The following LY96 variants were observed in gnomAD, a reference collection of about 807,000 sequenced individuals.
LY96 encodes the protein myeloid differentiation protein-2.
LY96 carries 18 observed loss-of-function variants against 18.9 expected under a neutral mutation model. That is an observed-to-expected ratio of 0.95 (90% CI 0.66 to 1.41). LY96 has a LOEUF of 1.41. Among genes scored for constraint, LY96 ranks in the 40% most tolerant of loss-of-function variants. LY96 has a pLI of 0.00. For missense variants in LY96, 175 were observed against 182.4 expected (o/e 0.96, Z 0.23); for synonymous variants, 66 against 62.6 (o/e 1.06, Z -0.26).
At chr8:74,037,367 G>T in the LY96 span, among the ~76,000 whole-genome samples, 1 of 152,292 alleles carries the variant, frequency 6.6e-6, no homozygotes, top group African/African-American at 2.4e-5. Flanking sequence ...GGTGGGTCAT[G>T]CCTGTAAACC....
At chr8:74,004,109 C>T (rs11786591) in intron 1 of LY96, among the ~76,000 whole-genome samples, 46,737 of 151,976 alleles carry the variant, frequency 0.31, 7,303 homozygotes, top group Admixed American at 0.36. Context: ...TATAAGTTTT[C>T]TGGGGATCCC....
chr8:74,074,680 T>C, the LY96 span, among the ~76,000 whole-genome samples: 1 of 152,200 alleles, frequency 6.6e-6, no homozygotes, highest in Non-Finnish European at 1.5e-5. Context: ...TTTTGGTATG[T>C]TGTGTTTCTA....
chr8:74,014,846 C>T (rs1027173486), intron 3 of LY96, among the ~76,000 whole-genome samples: 1 of 150,396 alleles, frequency 6.6e-6, no homozygotes, highest in Admixed American at 6.6e-5. Flanking sequence ...CACACACACA[C>T]ATATATCTGT....
At chr8:74,068,230 C>A in the LY96 span, among the ~76,000 whole-genome samples, 854 of 151,900 alleles carry the variant, frequency 5.6e-3, 10 homozygotes, top group African/African-American at 0.019. Flanking sequence ...TTCTAGATTT[C>A]ATATGAATGG....
downstream of LY96, among the ~76,000 whole-genome samples, chr8:74,033,672 T>C (rs1229502030): frequency 6.6e-6 from 1 of 152,222 alleles, no homozygotes. Context: ...GACATCTTGT[T>C]TGGAAGGCTG....
downstream of LY96, among the ~76,000 whole-genome samples, chr8:74,033,455 C>T (rs1176761974): frequency 6.6e-6 from 1 of 152,192 alleles, no homozygotes; most frequent in African/African-American, 2.4e-5. Flanking sequence ...TCCTTTGGCC[C>T]AACCCCCTGC....
chr8:74,058,581 G>A, the LY96 span, among the ~76,000 whole-genome samples: 33 of 150,818 alleles, frequency 2.2e-4, no homozygotes, highest in African/African-American at 6.8e-4. Flanking sequence ...AGGCAGTGGC[G>A]CAATCTCGGC....
At chr8:74,083,626 G>T in the LY96 span, among the ~76,000 whole-genome samples, 1 of 152,096 alleles carries the variant, frequency 6.6e-6, no homozygotes, top group African/African-American at 2.4e-5. Flanking sequence ...TTTTATAGTT[G>T]GTTTGTCTGA....
chr8:73,995,638 G>A (rs982566397), intron 1 of LY96, among the ~76,000 whole-genome samples: 1 of 151,994 alleles, frequency 6.6e-6, no homozygotes, highest in Non-Finnish European at 1.5e-5. Flanking sequence ...TTTGGAAAAG[G>A]CAAAAAATGT....
At chr8:74,056,965 C>T in the LY96 span, among the ~76,000 whole-genome samples, 5 of 152,120 alleles carry the variant, frequency 3.3e-5, no homozygotes, top group Non-Finnish European at 5.9e-5. Context: ...GTTATGGCAG[C>T]GACAGACAAC....
chr8:74,027,340 G>A (rs1199697863), intron 4 of LY96, among the ~76,000 whole-genome samples: 3 of 130,490 alleles, frequency 2.3e-5, no homozygotes, highest in African/African-American at 5.9e-5. Context: ...ACTGAGTCTT[G>A]CTCTGTTGCC....
downstream of LY96, among the ~76,000 whole-genome samples, chr8:74,031,146 T>C (rs1009174943): frequency 6.6e-6 from 1 of 151,984 alleles, no homozygotes; most frequent in African/African-American, 2.4e-5. Flanking sequence ...TTTCCTATTG[T>C]AATTTCCTCC....
At chr8:74,050,992 C>T in the LY96 span, among the ~76,000 whole-genome samples, 4 of 152,268 alleles carry the variant, frequency 2.6e-5, no homozygotes, top group South Asian at 4.2e-4. Context: ...CACCGCACTC[C>T]AGCCTGAGCG....
the LY96 span, among the ~76,000 whole-genome samples, chr8:74,077,763 A>G: frequency 6.6e-6 from 1 of 151,972 alleles, no homozygotes; most frequent in Non-Finnish European, 1.5e-5. Context: ...AAACATAATA[A>G]AACATTAAAA....
chr8:73,992,779 T>C (rs746200606), intron 1 of LY96, among the ~76,000 whole-genome samples: 1 of 151,906 alleles, frequency 6.6e-6, no homozygotes, highest in Non-Finnish European at 1.5e-5. Context: ...CTACTCTACT[T>C]GGCCCCCACT....
At chr8:74,038,713 A>C in the LY96 span, among the ~76,000 whole-genome samples, 2 of 152,154 alleles carry the variant, frequency 1.3e-5, no homozygotes, top group Non-Finnish European at 2.9e-5. Context: ...TTTGTGGCTA[A>C]ATAGTATTCT....
At chr8:74,021,738 G>A (rs999987655) in intron 3 of LY96, among the ~76,000 whole-genome samples, 2 of 152,172 alleles carry the variant, frequency 1.3e-5, no homozygotes, top group African/African-American at 4.8e-5. Flanking sequence ...ATACTATGCA[G>A]CCATAAAAAA....
the LY96 span, among the ~76,000 whole-genome samples, chr8:74,035,395 A>G: frequency 6.6e-6 from 1 of 152,074 alleles, no homozygotes; most frequent in Non-Finnish European, 1.5e-5. Context: ...CGCCCTGGCA[A>G]TGTTATGGGG....
the LY96 span, among the ~76,000 whole-genome samples, chr8:74,052,081 GA>G: frequency 6.6e-6 from 1 of 152,116 alleles, no homozygotes; most frequent in African/African-American, 2.4e-5. Flanking sequence ...AAAAGAAAAA[GA>G]AAAATACTTG....
Sources: gnomAD v4.1 joint callset for allele counts (sites outside exome capture counted in the v4.1 genomes callset) on GRCh38, gnomAD v4.1.1 for gene constraint, MANE v1.5 for transcripts, NCBI Gene and HGNC (gene_info 2026-07-23, HGNC 2026-07-21) for gene names.